Variants in UBXN4 observed in about 807,000 individuals in gnomAD.
UBXN4 encodes the protein UBX domain-containing protein 4.
A neutral mutation model predicts 66.2 loss-of-function variants in UBXN4; 35 were observed. The observed-to-expected ratio is 0.53, with a 90% CI of 0.40 to 0.70. The LOEUF (loss-of-function observed/expected upper bound fraction) is 0.70, where lower values mean the gene tolerates loss of function less well. UBXN4 is among the 30% of genes least tolerant of loss of function. UBXN4 has a pLI of 0.00. For synonymous variants in UBXN4, 203 were observed against 204.5 expected (o/e 0.99, Z 0.06); for missense variants, 533 against 599.8 (o/e 0.89, Z 1.16).
rs138699603 is a variant in UBXN4 at position 135,754,273 on chromosome 2, G to A, written c.329G>A (p.Arg110Gln). The A allele has an allele frequency of 6.2e-6, 10 of 1,610,744 alleles. No individual in the cohort carries two copies. The highest frequency in any genetic ancestry group is 4.5e-5 in the East Asian group (2 of 44,848). Residue 110 changes from arginine to glutamine, a missense_variant, in exon 4 of 13, where the codon CGA becomes CAA. By Grantham distance (43) the Arg-to-Gln change is conservative (BLOSUM62 1). This residue lies in a region of UBXN4 where 529 missense variants were observed against 580.1 expected (regional missense o/e 0.91). Transcript: ENST00000272638. ...CTTGTTACAAGAATTCACAAGGTCC[G>A]ACAGGTAAGAAGGAACAGAACTGTT... ...DELVTRIHKV[R>Q]QMHLLKSETS...
chr2:135,780,030 C>T lies in UBXN4; in HGVS notation c.1186-153C>T, dbSNP rs537571104. The stretch of plus-strand genomic sequence containing the variant: ...GGGAGTCTTCAGAAGTTTATATATA[C>T]GTGAAAAACAGCAAAAGATATCATT... On this transcript the variant is annotated intron_variant, in intron 11 of 12. Coordinates refer to ENST00000272638, the MANE Select transcript of UBXN4 (RefSeq NM_014607.4). The T allele has an allele frequency of 6.3e-5, 39 of 619,686 alleles. No homozygotes were observed. In the Middle Eastern group the frequency reaches 2.1e-3, roughly 33 times the overall value. 38.4% of individuals were successfully genotyped at this position (619,686 alleles called of 1,614,324 possible). A position where few individuals can be genotyped will look rare whatever the true frequency, so the allele number is the denominator to read the frequency against.
At chr2:135,776,605 A>G (rs2077416431) in intron 10 of UBXN4, among the ~76,000 whole-genome samples, 1 of 151,926 alleles carries the variant, frequency 6.6e-6, no homozygotes, top group Admixed American at 6.6e-5. Flanking sequence ...CTTTTTTAAA[A>G]TTTTTTGAGA....
intron 9 of UBXN4, among the ~76,000 whole-genome samples, chr2:135,774,829 A>G (rs996366238): frequency 1.5e-4 from 22 of 150,884 alleles, no homozygotes; most frequent in African/African-American, 5.4e-4. Context: ...TGGGCGACAG[A>G]GTGGGACTCT....
intron 10 of UBXN4, among the ~76,000 whole-genome samples, chr2:135,777,376 G>A (rs911042757): frequency 7.9e-5 from 12 of 152,070 alleles, no homozygotes; most frequent in Admixed American, 5.2e-4. Flanking sequence ...ACATTTGGTC[G>A]TCTTCTTGCA....
chr2:135,747,172 C>A (rs1320175329), intron 1 of UBXN4, among the ~76,000 whole-genome samples: 1 of 130,920 alleles, frequency 7.6e-6, no homozygotes, highest in Admixed American at 7.9e-5. Context: ...ATAGTGAAAC[C>A]CCATCTCTAC....
intron 11 of UBXN4, 42 bp downstream of exon 11, chr2:135,779,121 T>A: frequency 6.5e-7 from 1 of 1,540,658 alleles, no homozygotes; most frequent in Non-Finnish European, 8.7e-7. Context: ...CTTATTGTTT[T>A]CTGTTTATCA....
intron 3 of UBXN4, chr2:135,753,942 ATG>A (rs2077263064): frequency 2.0e-6 from 1 of 490,326 alleles, no homozygotes; most frequent in Admixed American, 4.0e-5. Context: ...ATAGAGGAGA[ATG>A]TAGTAGATTC....
chr2:135,751,889 A>C (rs573074699), intron 2 of UBXN4, among the ~76,000 whole-genome samples: 1 of 152,160 alleles, frequency 6.6e-6, no homozygotes, highest in South Asian at 2.1e-4. Context: ...TACATTGATG[A>C]GTATCTCTTA....
rs892671548 is a variant in UBXN4, at chr2:135,768,824, A to G, written c.603-945A>G. On this transcript the variant is annotated intron_variant, in intron 6 of 12. Transcript: ENST00000272638. Reference sequence around the variant, plus strand: ...TTGATCCGCCTGCCTCGGCCTCCCAAAGTGCTGGGATTGATTACAGGTTTG... The same window carrying G: ...TTGATCCGCCTGCCTCGGCCTCCCAGAGTGCTGGGATTGATTACAGGTTTG... 3.3e-5 allele frequency among the ~76,000 whole-genome samples: 5 copies of G among 151,740 alleles called. No homozygotes were observed. The East Asian group carries it at 9.7e-4, about 30-fold the overall frequency.
chr2:135,754,197 G>T lies in UBXN4; in HGVS notation c.253G>T (p.Asp85Tyr). 1 of 1,614,114 alleles carries T rather than the reference G, an allele frequency of 6.2e-7. No individual in the cohort carries two copies. Among genetic ancestry groups the T allele is most frequent in the Non-Finnish European group, 8.5e-7 (1 of 1,179,984 alleles). Residue 85 changes from aspartate (D) to tyrosine (Y), a missense_variant, in exon 4 of 13, where the codon GAC becomes TAC. Around this residue, in one of 2 missense-constraint regions of UBXN4, gnomAD observed 529 missense variants for 580.1 expected, o/e 0.91. Transcript: ENST00000272638. ...TGTTCCATCCAGTTTCTTTATTGGAGACAGTGGAATTCCCTTGGAAGTAAT... is the reference window on the plus strand; with the variant it reads ...TGTTCCATCCAGTTTCTTTATTGGATACAGTGGAATTCCCTTGGAAGTAAT... ...VCVPSSFFIG[D>Y]SGIPLEVIAG...
intron 6 of UBXN4, among the ~76,000 whole-genome samples, chr2:135,766,167 A>AT (rs2077346401): frequency 6.6e-6 from 1 of 151,966 alleles, no homozygotes; most frequent in Non-Finnish European, 1.5e-5. Flanking sequence ...AAAAAAAAAA[A>AT]GTCGAAGCCC....
intron 2 of UBXN4, among the ~76,000 whole-genome samples, chr2:135,753,308 G>T (rs2077258182): frequency 1.3e-5 from 2 of 152,296 alleles, no homozygotes; most frequent in African/African-American, 4.8e-5. Flanking sequence ...ACAGGCATGA[G>T]CCACCATGCC....
intron 12 of UBXN4, among the ~76,000 whole-genome samples, chr2:135,781,779 A>G: frequency 6.6e-6 from 1 of 152,214 alleles, no homozygotes; most frequent in East Asian, 1.9e-4. Context: ...TGGATTTTTA[A>G]AACTTTTTTC....
chr2:135,755,704 G>A lies in UBXN4; in HGVS notation c.508+13G>A, dbSNP rs752651933. 6.9e-7 allele frequency: 1 copy of A among 1,459,698 alleles called. No individual in the cohort carries two copies. The highest frequency in any genetic ancestry group is 9.1e-7 in the Non-Finnish European group (1 of 1,099,508). The allele number at this position is 1,459,698 out of a possible 1,614,324, so 90.4% of individuals were successfully genotyped here. ...GATACTGCAACAGGTAACTTTTAAT[G>A]TACCTTTTTGAGTGCAATAGAAGCT... On this transcript the variant is annotated intron_variant, in intron 5 of 12. Coordinates refer to ENST00000272638, the MANE Select transcript of UBXN4 (RefSeq NM_014607.4).
Position 135,784,841 on chromosome 2 carries a change from C to A in UBXN4, c.*1954C>A, listed in dbSNP as rs1446327960. On this transcript the variant is annotated 3_prime_UTR_variant, in exon 13 of 13. Transcript: ENST00000272638. ...TAATTTTGGAGTAGGAGGTTCCCTC[C>A]TCAATTTTGTATTTTTAAAAGTACA... The A allele has an allele frequency of 1.5e-5, 1 of 68,198 alleles. No individual in the cohort carries two copies. The highest frequency in any genetic ancestry group is 2.0e-4 in the Admixed American group (1 of 4,892). The allele number at this position is 68,198 out of a possible 1,614,324, so 4.2% of individuals were successfully genotyped here. A position where few individuals can be genotyped will look rare whatever the true frequency, so the allele number is the denominator to read the frequency against.
At chr2:135,769,190 C>CA (rs2105504208) in intron 6 of UBXN4, among the ~76,000 whole-genome samples, 1 of 152,178 alleles carries the variant, frequency 6.6e-6, no homozygotes, top group Non-Finnish European at 1.5e-5. Flanking sequence ...TCTGTAGAGA[C>CA]AGAGTTTTGC....
At chr2:135,759,335 C>A (rs1048707358) in intron 5 of UBXN4, among the ~76,000 whole-genome samples, 1 of 151,928 alleles carries the variant, frequency 6.6e-6, no homozygotes, top group African/African-American at 2.4e-5. Flanking sequence ...AATAGTAATC[C>A]TTTTTGTCAT....
intron 6 of UBXN4, among the ~76,000 whole-genome samples, 169 bp from the exon 7 acceptor site, chr2:135,769,600 C>G (rs746582547): frequency 1.3e-5 from 2 of 152,088 alleles, no homozygotes; most frequent in Non-Finnish European, 2.9e-5. Flanking sequence ...CTCTCGTTGA[C>G]TCCAGGATTT....
At chr2:135,768,168 GT>G (rs1333889886) in intron 6 of UBXN4, among the ~76,000 whole-genome samples, 3 of 152,088 alleles carry the variant, frequency 2.0e-5, no homozygotes, top group African/African-American at 7.2e-5. Context: ...CACTACCACT[GT>G]CTAATTTCAG....
Sources: gnomAD v4.1 joint callset for allele counts (sites outside exome capture counted in the v4.1 genomes callset) on GRCh38, gnomAD v4.1.1 for gene constraint, gnomAD v4.1.1 regional missense constraint, MANE v1.5 for transcripts, NCBI Gene and HGNC (gene_info 2026-07-23, HGNC 2026-07-21) for gene names.